Variants in DHRSX observed in about 807,000 individuals in gnomAD.
The protein encoded by DHRSX is dehydrogenase/reductase X-linked, also known as polyprenol dehydrogenase.
In DHRSX, 31 loss-of-function variants were observed where a neutral mutation model predicts 34.0. The observed-to-expected ratio is 0.91, with a 90% CI of 0.69 to 1.23. The LOEUF is 1.23. Ranked by LOEUF, DHRSX falls within the 50% of genes most tolerant of loss-of-function variation. The pLI is 0.00. For missense variants in DHRSX, 414 were observed against 428.1 expected, an observed-to-expected ratio of 0.97 and a Z score of 0.29; for synonymous variants, 201 against 183.8, an observed-to-expected ratio of 1.09 and a Z score of -0.76.
At chrX:2,449,240 C>G (rs2044183504) in intron 1 of DHRSX, among the ~76,000 whole-genome samples, 2 of 151,778 alleles carry the variant, frequency 1.3e-5, no homozygotes, top group African/African-American at 4.8e-5. Flanking sequence ...AAGAGACGAC[C>G]TTCAAATGAT....
intron 6 of DHRSX, among the ~76,000 whole-genome samples, chrX:2,233,244 AATG>A (rs2015939024): frequency 6.6e-6 from 1 of 152,054 alleles, no homozygotes; most frequent in East Asian, 1.9e-4. Context: ...ACATTCTCGG[AATG>A]ATGAAGTGGG....
chrX:2,230,321 G>A (rs1368420452), intron 6 of DHRSX, among the ~76,000 whole-genome samples: 1 of 152,164 alleles, frequency 6.6e-6, no homozygotes, highest in Non-Finnish European at 1.5e-5. Context: ...ATGTTTCATG[G>A]CCTCAGTGAC....
At chrX:2,373,056 T>C in intron 3 of DHRSX, among the ~76,000 whole-genome samples, 1 of 152,294 alleles carries the variant, frequency 6.6e-6, no homozygotes, top group South Asian at 2.1e-4. Context: ...TCCACGGGGT[T>C]GGGGAGGCCT....
At chrX:2,436,543 G>T (rs2043994575) in intron 1 of DHRSX, among the ~76,000 whole-genome samples, 1 of 150,758 alleles carries the variant, frequency 6.6e-6, no homozygotes, top group Non-Finnish European at 1.5e-5. Context: ...ACCCCGGCTG[G>T]AGTGCAGTGG....
At chrX:2,232,033 C>T (rs116245834) in intron 6 of DHRSX, among the ~76,000 whole-genome samples, 2 of 145,116 alleles carry the variant, frequency 1.4e-5, no homozygotes, top group Admixed American at 7.0e-5. Flanking sequence ...TCTTCCTTCT[C>T]CTCCTTTTTC....
chrX:2,259,165 C>T (rs2041320254), intron 5 of DHRSX, among the ~76,000 whole-genome samples: 2 of 151,788 alleles, frequency 1.3e-5, no homozygotes, highest in Admixed American at 1.3e-4. Flanking sequence ...CCCAGCTACT[C>T]AGGAGGCTGA....
chrX:2,301,412 C>CA (rs976222457), intron 3 of DHRSX, among the ~76,000 whole-genome samples: 30 of 150,832 alleles, frequency 2.0e-4, no homozygotes, highest in South Asian at 4.2e-4. Context: ...GACTCCATCT[C>CA]AAAAAAAAAG....
intron 3 of DHRSX, among the ~76,000 whole-genome samples, chrX:2,339,544 C>T (rs2042614837): frequency 6.6e-6 from 1 of 152,016 alleles, no homozygotes. Flanking sequence ...CTGCCCCCTC[C>T]CAAGCTCTCC....
chrX:2,303,312 G>A (rs1463324171), intron 3 of DHRSX, among the ~76,000 whole-genome samples: 1 of 152,136 alleles, frequency 6.6e-6, no homozygotes, highest in Non-Finnish European at 1.5e-5. Context: ...AGTGTTGGAG[G>A]AGTGGCCTGG....
intron 1 of DHRSX, among the ~76,000 whole-genome samples, chrX:2,443,047 C>T (rs1472849461): frequency 6.6e-6 from 1 of 151,932 alleles, no homozygotes; most frequent in African/African-American, 2.4e-5. Context: ...ATTTGTGTTT[C>T]GTAGAGACAG....
At chrX:2,312,739 AC>A (rs1256843771) in intron 3 of DHRSX, among the ~76,000 whole-genome samples, 3 of 151,748 alleles carry the variant, frequency 2.0e-5, no homozygotes, top group African/African-American at 7.3e-5. Flanking sequence ...AGAAACTCAC[AC>A]CTCTACCCTA....
chrX:2,244,302 C>CCTCT (rs780533250), intron 5 of DHRSX, among the ~76,000 whole-genome samples: 27 of 150,436 alleles, frequency 1.8e-4, no homozygotes, highest in Non-Finnish European at 2.7e-4. Context: ...GAGTAACGTG[C>CCTCT]CTCTCTCTCT....
intron 1 of DHRSX, among the ~76,000 whole-genome samples, chrX:2,484,321 G>A (rs1411593430): frequency 6.6e-6 from 1 of 152,184 alleles, no homozygotes; most frequent in Non-Finnish European, 1.5e-5. Flanking sequence ...GAGAGACAGA[G>A]AATGCATGGT....
At chrX:2,335,450 G>GGTGTGTGT (rs111917194) in intron 3 of DHRSX, among the ~76,000 whole-genome samples, 1 of 149,400 alleles carries the variant, frequency 6.7e-6, no homozygotes, top group Admixed American at 6.7e-5. Context: ...ATTTTTTTGG[G>GGTGTGTGT]GTGTGTGTGT....
At chrX:2,486,802 T>G (rs2044946638) in intron 1 of DHRSX, 1 of 152,252 alleles carries the variant, frequency 6.6e-6, no homozygotes, top group African/African-American at 2.4e-5. Context: ...AAAGGTTACG[T>G]GGATTTCTCC....
rs143373869 is a variant in DHRSX at position 2,436,685 on chromosome X, C to A, written c.110-11381G>T. ...TTTTTTTTTTAATCTTTTGTAGAGA[C>A]AGGGTCTTGCTCCATTGTTCAGGCT... is the stretch of plus-strand genomic sequence containing the variant. On this transcript the variant is annotated intron_variant, in intron 1 of 6. Transcript: ENST00000334651. Among the ~76,000 whole-genome samples the A allele has an allele frequency of 5.2e-3, 790 of 151,180 alleles. 9 individuals are homozygous for A. The highest frequency in any genetic ancestry group is 0.018 in the African/African-American group (751 of 41,256).
At chrX:2,267,025 C>T in intron 4 of DHRSX, 78 bp from the exon 5 acceptor site, 4 of 1,456,214 alleles carry the variant, frequency 2.7e-6, no homozygotes, top group South Asian at 2.3e-5. Context: ...TCCCCAGATG[C>T]GCAAATGGCC....
chrX:2,384,930 TA>T (rs1157697614), intron 3 of DHRSX, among the ~76,000 whole-genome samples: 8,523 of 139,662 alleles, frequency 0.061, 545 homozygotes, highest in African/African-American at 0.17. Context: ...TAAATAAATT[TA>T]AAAAAAAAAA....
At chrX:2,398,191 G>A (rs1377680384) in intron 3 of DHRSX, among the ~76,000 whole-genome samples, 1 of 152,084 alleles carries the variant, frequency 6.6e-6, no homozygotes, top group Non-Finnish European at 1.5e-5. Context: ...CAGGGCAACC[G>A]TGCATTCAAT....
Sources: allele counts gnomAD v4.1 joint callset (sites outside exome capture counted in the v4.1 genomes callset), GRCh38; gene constraint gnomAD v4.1.1; transcripts MANE v1.5; gene names NCBI Gene and HGNC (gene_info 2026-07-23, HGNC 2026-07-21).